Variants in SLC7A2 observed in about 807,000 individuals in gnomAD.
SLC7A2 encodes solute carrier family 7 member 2.
In SLC7A2, 48 loss-of-function variants were observed where a neutral mutation model predicts 58.9. The ratio of observed to expected loss-of-function variants is 0.82; its 90% CI spans 0.65 to 1.04. The LOEUF is 1.04. Ranked by LOEUF, SLC7A2 falls within the 50% of genes least tolerant of loss-of-function variation. The probability of loss-of-function intolerance (pLI) is 0.00; values close to 1 mark genes in which losing one functional copy is unlikely to be tolerated. For missense variants in SLC7A2, 1,029 were observed against 818.8 expected (o/e 1.26, Z -3.13); for synonymous variants, 363 against 314.5 (o/e 1.15, Z -1.63).
intron 2 of SLC7A2, among the ~76,000 whole-genome samples, chr8:17,511,615 G>A (rs1057242341): frequency 3.3e-5 from 5 of 152,048 alleles, no homozygotes; most frequent in East Asian, 1.9e-4. Context: ...ATAATCTATC[G>A]CTAAACCATT....
intron 2 of SLC7A2, among the ~76,000 whole-genome samples, chr8:17,523,137 C>G (rs1035309997): frequency 4.6e-5 from 7 of 151,858 alleles, no homozygotes; most frequent in African/African-American, 1.2e-4. Context: ...GCACATGTAT[C>G]CTGGAACATA....
intron 12 of SLC7A2, 57 bp downstream of exon 12, chr8:17,563,768 C>T (rs1374566361): frequency 9.6e-7 from 1 of 1,044,396 alleles, no homozygotes; most frequent in African/African-American, 1.6e-5. Flanking sequence ...ATGAGAGAAA[C>T]ATGCCCTCTC....
intron 1 of SLC7A2, among the ~76,000 whole-genome samples, chr8:17,501,954 A>C (rs904747523): frequency 1.3e-5 from 2 of 151,900 alleles, no homozygotes; most frequent in Admixed American, 6.6e-5. Context: ...ACAACAAAGA[A>C]TTTGTATGTC....
In SLC7A2 at chr8:17,567,017, G is replaced by A. The variant is rs150596605; in HGVS notation, c.*1871G>A. On this transcript the variant is annotated 3_prime_UTR_variant, in exon 13 of 13. Transcript: ENST00000494857. ...TAAACATCAAAGAAACAGGTAGAAA[G>A]CCTGGGTTTCTGGCTGCTAGCGTTA... 1 of 152,634 alleles carries A rather than the reference G, an allele frequency of 6.6e-6. No homozygotes were observed. The allele number at this position is 152,634 out of a possible 1,614,324, so 9.5% of individuals were successfully genotyped here.
upstream of SLC7A2, among the ~76,000 whole-genome samples, chr8:17,496,822 T>G (rs934827047): frequency 6.6e-6 from 1 of 152,102 alleles, no homozygotes; most frequent in Non-Finnish European, 1.5e-5. Flanking sequence ...ACGAAGTTTA[T>G]CCTCGCGCGC....
Position 17,505,494 on chromosome 8 carries a change from G to A in SLC7A2, c.-23+3192G>A, listed in dbSNP as rs562138809. 2.0e-5 allele frequency among the ~76,000 whole-genome samples: 3 copies of A among 152,258 alleles called. No homozygotes were observed. The East Asian group carries it at 5.8e-4, about 29-fold the overall frequency. The stretch of plus-strand genomic sequence containing the variant: ...ACCCTTCTCAACTAGTGCCATGGTG[G>A]ATGCTGTTCCCTGGCCTCAAGGGTA... On this transcript the variant is annotated intron_variant, in intron 2 of 12. Coordinates refer to ENST00000494857, the MANE Select transcript of SLC7A2 (RefSeq NM_001370338.1).
At chr8:17,541,281 A>G (rs908989439) in intron 2 of SLC7A2, among the ~76,000 whole-genome samples, 3 of 152,152 alleles carry the variant, frequency 2.0e-5, no homozygotes, top group African/African-American at 7.2e-5. Context: ...TATCTTCTAG[A>G]TATATGAGAA....
At chr8:17,504,915 G>C (rs1165025680) in intron 2 of SLC7A2, among the ~76,000 whole-genome samples, 2 of 152,102 alleles carry the variant, frequency 1.3e-5, no homozygotes, top group Admixed American at 6.6e-5. Flanking sequence ...CACAGAGAAG[G>C]AGCTCCTCCT....
intron 2 of SLC7A2, among the ~76,000 whole-genome samples, chr8:17,536,076 T>A (rs993226941): frequency 1.3e-5 from 2 of 150,764 alleles, no homozygotes; most frequent in African/African-American, 4.9e-5. Flanking sequence ...ATTATCGCTC[T>A]GCCGCTAGCT....
intron 2 of SLC7A2, among the ~76,000 whole-genome samples, chr8:17,504,376 A>G (rs1229595031): frequency 6.6e-6 from 1 of 152,146 alleles, no homozygotes; most frequent in African/African-American, 2.4e-5. Flanking sequence ...CCTTTCAATT[A>G]GTTGCACTTT....
At position 17,542,607 on chromosome 8, in the gene SLC7A2, C is replaced by T. The variant is rs550091123; in HGVS notation, c.-22-711C>T. Among the ~76,000 whole-genome samples the T allele has an allele frequency of 6.6e-5, 10 of 150,498 alleles. No individual in the cohort carries two copies. The South Asian group carries it at 2.1e-3, about 32-fold the overall frequency. On this transcript the variant is annotated intron_variant, in intron 2 of 12. Transcript: ENST00000494857. The stretch of plus-strand genomic sequence containing the variant: ...TTGAGGCTTCAGTGAGCTATGATCA[C>T]GCCACTGTGCTGCAGCCTGGGTGAC...
intron 2 of SLC7A2, among the ~76,000 whole-genome samples, chr8:17,526,876 T>G (rs1801242102): frequency 6.6e-6 from 1 of 152,156 alleles, no homozygotes; most frequent in Non-Finnish European, 1.5e-5. Context: ...CAACATAATG[T>G]ATTAGGATTT....
intron 10 of SLC7A2, 132 bp downstream of exon 10, chr8:17,560,665 C>T (rs769664069): frequency 6.1e-5 from 43 of 699,886 alleles, no homozygotes; most frequent in Non-Finnish European, 9.8e-5. Context: ...AAATTTTCAC[C>T]TAAAGCATCA....
rs751853953 is a variant in SLC7A2 at position 17,517,513 on chromosome 8, CCTT to C, written c.-23+15217_-23+15219del. Reference sequence around the variant, plus strand: ...ATCTTCAGCTGCTTATTGTAGGTAACCTTCTTCTATTAAATCATGGGAGATTTT... The same window carrying C: ...ATCTTCAGCTGCTTATTGTAGGTAACCTTCTATTAAATCATGGGAGATTTT... On this transcript the variant is annotated intron_variant, in intron 2 of 12. Transcript: ENST00000494857. Among the ~76,000 whole-genome samples the C allele has an allele frequency of 5.3e-5, 8 of 151,918 alleles. No individual in the cohort carries two copies. In the East Asian group the frequency reaches 1.6e-3, roughly 29 times the overall value.
chr8:17,554,886 A>G (rs1802618595), intron 8 of SLC7A2, 187 bp downstream of exon 8: 1 of 1,589,448 alleles, frequency 6.3e-7, no homozygotes, highest in South Asian at 1.1e-5. Context: ...ACCTGTCTAT[A>G]CCTGTCTAGA....
In SLC7A2 at chr8:17,497,604, C is replaced by T. The variant is rs529430538; in HGVS notation, c.-69+367C>T. On this transcript the variant is annotated intron_variant, in intron 1 of 12. Coordinates refer to ENST00000494857, the MANE Select transcript of SLC7A2 (RefSeq NM_001370338.1). ...CGACTTCGCGGGGACCCTTCAGTCACTATTTCCAGAGGAGCTCGGCGCACC... is the reference window on the plus strand; with the variant it reads ...CGACTTCGCGGGGACCCTTCAGTCATTATTTCCAGAGGAGCTCGGCGCACC... Among the ~76,000 whole-genome samples the T allele has an allele frequency of 1.1e-3, 162 of 152,328 alleles. 1 individual carries two copies. Among genetic ancestry groups the T allele is most frequent in the African/African-American group, 3.6e-3 (149 of 41,580 alleles).
chr8:17,494,428 T>A (rs1377175526), upstream of SLC7A2, among the ~76,000 whole-genome samples: 1 of 152,164 alleles, frequency 6.6e-6, no homozygotes, highest in East Asian at 1.9e-4. Flanking sequence ...TCTGCTTCAT[T>A]CCTAAGGAGG....
intron 2 of SLC7A2, among the ~76,000 whole-genome samples, chr8:17,521,461 A>G (rs527771791): frequency 6.6e-6 from 1 of 152,274 alleles, no homozygotes; most frequent in South Asian, 2.1e-4. Flanking sequence ...AATTTCTGTA[A>G]ACGTCTTGGT....
chr8:17,551,204 C>T (rs757920418), intron 6 of SLC7A2, among the ~76,000 whole-genome samples: 27 of 152,008 alleles, frequency 1.8e-4, no homozygotes, highest in Admixed American at 6.6e-4. Flanking sequence ...TCTTTCCTGG[C>T]GATAGGAAAC....
Sources: allele counts gnomAD v4.1 joint callset (sites outside exome capture counted in the v4.1 genomes callset), GRCh38; gene constraint gnomAD v4.1.1; transcripts MANE v1.5; gene names NCBI Gene and HGNC (gene_info 2026-07-23, HGNC 2026-07-21).